Variants in KCNT2 observed in about 807,000 individuals in gnomAD.
The protein encoded by KCNT2 is potassium channel subfamily T member 2.
KCNT2 carries 67 observed loss-of-function variants against 153.8 expected under a neutral mutation model. That is an observed-to-expected ratio of 0.44 (90% CI 0.36 to 0.53). KCNT2 has a LOEUF of 0.53. Among genes scored for constraint, KCNT2 ranks in the 20% least tolerant of loss-of-function variants. KCNT2 has a pLI of 0.00. For missense variants in KCNT2, 975 were observed against 1,354.8 expected (o/e 0.72, Z 4.40); for synonymous variants, 500 against 458.8 (o/e 1.09, Z -1.15).
At chr1:196,428,795 C>T (rs772102045) in intron 9 of KCNT2, among the ~76,000 whole-genome samples, 2 of 152,020 alleles carry the variant, frequency 1.3e-5, no homozygotes, top group African/African-American at 4.8e-5. Flanking sequence ...AGATACATTG[C>T]GGCCAAAGTT....
intron 1 of KCNT2, among the ~76,000 whole-genome samples, chr1:196,505,692 G>A (rs1288483996): frequency 2.6e-5 from 4 of 152,072 alleles, no homozygotes; most frequent in South Asian, 2.1e-4. Context: ...ACATTTTCAC[G>A]ATATTGATTC....
intron 25 of KCNT2, among the ~76,000 whole-genome samples, chr1:196,275,650 T>A (rs1658497466): frequency 6.6e-6 from 1 of 151,916 alleles, no homozygotes; most frequent in African/African-American, 2.4e-5. Context: ...CATGGAAAGA[T>A]GACAGGCTGG....
Position 196,477,462 on chromosome 1 carries a change from C to T in KCNT2, c.384+1717G>A, listed in dbSNP as rs530172992. Among the ~76,000 whole-genome samples the T allele has an allele frequency of 5.9e-5, 9 of 151,972 alleles. No homozygotes were observed. The East Asian group carries it at 9.7e-4, about 16-fold the overall frequency. ...AAAATTAGCCAGGTGGCAGTGTGCA[C>T]GTATAGTCTCAGCTAGTCAAGAGAG... On this transcript the variant is annotated intron_variant, in intron 5 of 27. Coordinates refer to ENST00000294725, the MANE Select transcript of KCNT2 (RefSeq NM_198503.5).
intron 21 of KCNT2, among the ~76,000 whole-genome samples, chr1:196,306,397 G>A (rs1343761651): frequency 6.6e-6 from 1 of 152,080 alleles, no homozygotes; most frequent in Non-Finnish European, 1.5e-5. Context: ...TCAGTCATGA[G>A]GGTGCTGTTA....
chr1:196,500,445 T>C (rs1462879293), intron 1 of KCNT2, among the ~76,000 whole-genome samples: 1 of 152,204 alleles, frequency 6.6e-6, no homozygotes, highest in Non-Finnish European at 1.5e-5. Flanking sequence ...CTTGCCTTCT[T>C]AGCAAGTTGA....
At chr1:196,284,246 A>ATATATATATATATATATAT (rs1206881924) in intron 23 of KCNT2, among the ~76,000 whole-genome samples, 1 of 14,150 alleles carries the variant, frequency 7.1e-5, no homozygotes, top group East Asian at 0.011. Flanking sequence ...AAAAAAAAAA[A>ATATATATATATATATATAT]AAATATATAT....
chr1:196,577,247 C>T (rs530206526), intron 1 of KCNT2, among the ~76,000 whole-genome samples: 21 of 152,194 alleles, frequency 1.4e-4, no homozygotes, highest in African/African-American at 4.6e-4. Context: ...TGACAACATA[C>T]GCACACACAA....
chr1:196,235,907 A>G, intron 27 of KCNT2, 79 bp downstream of exon 27: 1 of 839,270 alleles, frequency 1.2e-6, no homozygotes, highest in South Asian at 1.6e-5. Flanking sequence ...AGAGGCTATT[A>G]TGGCCTAAAT....
chr1:196,402,499 C>T (rs976736470), intron 12 of KCNT2, among the ~76,000 whole-genome samples: 8 of 150,994 alleles, frequency 5.3e-5, no homozygotes, highest in African/African-American at 1.9e-4. Flanking sequence ...TATTGTAATC[C>T]CTACAGCACT....
At chr1:196,254,100 C>T (rs897244877) in intron 26 of KCNT2, among the ~76,000 whole-genome samples, 1 of 151,384 alleles carries the variant, frequency 6.6e-6, no homozygotes, top group African/African-American at 2.4e-5. Context: ...CAAATATTTT[C>T]ATTTACTACC....
chr1:196,228,463 A>C, intron 27 of KCNT2, 128 bp from the exon 28 acceptor site: 1 of 573,122 alleles, frequency 1.7e-6, no homozygotes, highest in Non-Finnish European at 3.0e-6. Context: ...TGTATACAAC[A>C]TTGGTGGTAG....
chr1:196,411,457 A>AC (rs1436589954), intron 12 of KCNT2, among the ~76,000 whole-genome samples: 2 of 149,596 alleles, frequency 1.3e-5, no homozygotes, highest in Non-Finnish European at 3.0e-5. Context: ...AAAAAAAAAA[A>AC]AAAAAAAAAA....
At chr1:196,583,882 T>C (rs916202033) in intron 1 of KCNT2, among the ~76,000 whole-genome samples, 2 of 151,994 alleles carry the variant, frequency 1.3e-5, no homozygotes, top group Non-Finnish European at 2.9e-5. Context: ...TGGAAATATA[T>C]AGGGTACTGA....
intron 12 of KCNT2, among the ~76,000 whole-genome samples, chr1:196,417,607 T>C (rs1005679797): frequency 6.6e-6 from 1 of 152,248 alleles, no homozygotes; most frequent in East Asian, 1.9e-4. Context: ...CTTTCTATTA[T>C]GGAACAAAAG....
At chr1:196,470,427 T>C (rs958353563) in intron 5 of KCNT2, among the ~76,000 whole-genome samples, 1 of 152,206 alleles carries the variant, frequency 6.6e-6, no homozygotes, top group African/African-American at 2.4e-5. Flanking sequence ...CCTATGGTCA[T>C]TTAAAAATGG....
intron 22 of KCNT2, among the ~76,000 whole-genome samples, chr1:196,304,977 C>G (rs568843154): frequency 6.6e-6 from 1 of 152,072 alleles, no homozygotes; most frequent in Non-Finnish European, 1.5e-5. Context: ...GCATTTAATT[C>G]TTTCACAAAT....
chr1:196,504,334 G>A (rs1438534416), intron 1 of KCNT2, among the ~76,000 whole-genome samples: 1 of 150,330 alleles, frequency 6.7e-6, no homozygotes. Flanking sequence ...AACATGCGGT[G>A]TTTGGTTTTT....
intron 8 of KCNT2, among the ~76,000 whole-genome samples, chr1:196,456,649 T>C (rs568450879): frequency 2.0e-5 from 3 of 152,096 alleles, no homozygotes; most frequent in African/African-American, 7.2e-5. Flanking sequence ...GCAATTAAAT[T>C]GTGCATTATC....
chr1:196,462,909 A>G (rs925551478), intron 8 of KCNT2, among the ~76,000 whole-genome samples: 5 of 151,720 alleles, frequency 3.3e-5, no homozygotes, highest in Admixed American at 2.0e-4. Flanking sequence ...CAGCTAGACA[A>G]TGTTTTTGCA....
Sources: allele counts gnomAD v4.1 joint callset (sites outside exome capture counted in the v4.1 genomes callset), GRCh38; gene constraint gnomAD v4.1.1; transcripts MANE v1.5; gene names NCBI Gene and HGNC (gene_info 2026-07-23, HGNC 2026-07-21).